Variants in CSMD1 observed in about 807,000 individuals in gnomAD.
The protein encoded by CSMD1 is CUB and Sushi multiple domains 1.
A neutral mutation model predicts 417.5 loss-of-function variants in CSMD1; 213 were observed. The observed-to-expected ratio is 0.51, with a 90% CI of 0.46 to 0.57. The LOEUF is 0.57. CSMD1 is among the 20% of genes least tolerant of loss of function. The pLI is 0.00. For synonymous variants in CSMD1, 2,862 were observed against 1,736.8 expected (o/e 1.65, Z -16.11); for missense variants, 6,923 against 4,529.7 (o/e 1.53, Z -15.17).
At position 4,000,968 on chromosome 8, in the gene CSMD1, A is replaced by G. The variant is rs1026917427; in HGVS notation, c.611-2858T>C. Among the ~76,000 whole-genome samples, 18 of 152,236 alleles carry G rather than the reference A, an allele frequency of 1.2e-4. No individual in the cohort carries two copies. In the East Asian group the frequency reaches 1.9e-3, roughly 16 times the overall value. ...ATTAATGACATATTAATTGAAATCC[A>G]ACTGCTGAAACTACATACATTCTTC... On this transcript the variant is annotated intron_variant, in intron 4 of 69. Coordinates refer to ENST00000635120, the MANE Select transcript of CSMD1 (RefSeq NM_033225.6).
chr8:4,146,177 G>C (rs1035281011), intron 3 of CSMD1, among the ~76,000 whole-genome samples: 1 of 150,864 alleles, frequency 6.6e-6, no homozygotes, highest in African/African-American at 2.5e-5. Context: ...TACTCCGCTG[G>C]CCAAGTCGAT....
chr8:3,536,495 GT>G (rs1304641056), intron 10 of CSMD1, among the ~76,000 whole-genome samples: 1 of 152,140 alleles, frequency 6.6e-6, no homozygotes, highest in South Asian at 2.1e-4. Flanking sequence ...TGGGGATTAT[GT>G]TTTTTCCTCT....
At chr8:4,036,871 A>C (rs986846454) in intron 3 of CSMD1, among the ~76,000 whole-genome samples, 2 of 152,170 alleles carry the variant, frequency 1.3e-5, no homozygotes, top group African/African-American at 2.4e-5. Context: ...AGGTATGTCC[A>C]GTTTCCTCCA....
chr8:3,712,675 T>C (rs1342293570), intron 6 of CSMD1, among the ~76,000 whole-genome samples: 1 of 152,220 alleles, frequency 6.6e-6, no homozygotes, highest in Non-Finnish European at 1.5e-5. Flanking sequence ...TTAGCTTTGT[T>C]AGTCCAGTTA....
At chr8:4,465,774 T>C (rs570481986) in intron 2 of CSMD1, among the ~76,000 whole-genome samples, 30 of 152,318 alleles carry the variant, frequency 2.0e-4, no homozygotes, top group South Asian at 8.3e-4. Flanking sequence ...TTCTCACCTC[T>C]GAGAATGGGG....
chr8:4,003,476 GA>G (rs1281756537), intron 4 of CSMD1, among the ~76,000 whole-genome samples: 4 of 151,676 alleles, frequency 2.6e-5, no homozygotes, highest in Non-Finnish European at 4.4e-5. Context: ...AGATACATGG[GA>G]AAAAAAGATT....
At chr8:3,526,495 C>A (rs117037733) in intron 10 of CSMD1, among the ~76,000 whole-genome samples, 6 of 152,178 alleles carry the variant, frequency 3.9e-5, no homozygotes, top group Non-Finnish European at 8.8e-5. Flanking sequence ...CTCTCTGGAC[C>A]AAGCATCCTA....
At chr8:4,845,654 G>A (rs1410869284) in intron 1 of CSMD1, among the ~76,000 whole-genome samples, 3 of 152,180 alleles carry the variant, frequency 2.0e-5, no homozygotes, top group Non-Finnish European at 2.9e-5. Context: ...AAGAAGCACA[G>A]ACGGGAAAGA....
intron 7 of CSMD1, among the ~76,000 whole-genome samples, chr8:3,620,773 T>G (rs10105617): frequency 3.9e-5 from 6 of 151,936 alleles, no homozygotes; most frequent in Non-Finnish European, 8.8e-5. Flanking sequence ...GAAAGACATA[T>G]GAAAATTGAA....
At chr8:4,219,332 C>G (rs970480160) in intron 3 of CSMD1, among the ~76,000 whole-genome samples, 1 of 152,116 alleles carries the variant, frequency 6.6e-6, no homozygotes, top group Non-Finnish European at 1.5e-5. Context: ...CATTCACTTT[C>G]GTAACTTGAG....
At chr8:3,867,107 T>C (rs557359727) in intron 5 of CSMD1, among the ~76,000 whole-genome samples, 4 of 152,352 alleles carry the variant, frequency 2.6e-5, no homozygotes, top group East Asian at 3.9e-4. Flanking sequence ...TTTTGATTGA[T>C]TGATTTTTTT....
chr8:3,700,148 G>C (rs1800776063), intron 7 of CSMD1, among the ~76,000 whole-genome samples: 1 of 152,078 alleles, frequency 6.6e-6, no homozygotes, highest in Non-Finnish European at 1.5e-5. Context: ...CAACAAATAT[G>C]GTGCAGCGTA....
chr8:3,333,941 T>C (rs1442600727), intron 23 of CSMD1, among the ~76,000 whole-genome samples: 3 of 152,216 alleles, frequency 2.0e-5, no homozygotes, highest in Non-Finnish European at 4.4e-5. Context: ...GTAGAAAATG[T>C]GCATTTGAGG....
intron 5 of CSMD1, among the ~76,000 whole-genome samples, chr8:3,757,845 A>G (rs1004179817): frequency 8.9e-6 from 1 of 112,788 alleles, no homozygotes; most frequent in Non-Finnish European, 1.9e-5. Flanking sequence ...GCGAGACTTC[A>G]TCTCAAAAAA....
chr8:4,834,326 A>T (rs1800329716), intron 1 of CSMD1, among the ~76,000 whole-genome samples: 1 of 152,208 alleles, frequency 6.6e-6, no homozygotes, highest in South Asian at 2.1e-4. Context: ...AAAACAGGTA[A>T]GATTTACTTG....
At chr8:4,857,882 G>C (rs1360183919) in intron 1 of CSMD1, among the ~76,000 whole-genome samples, 9 of 151,468 alleles carry the variant, frequency 5.9e-5, no homozygotes, top group Non-Finnish European at 7.4e-5. Flanking sequence ...CCAATCAATA[G>C]AAAAAGAGGG....
intron 7 of CSMD1, among the ~76,000 whole-genome samples, chr8:3,695,565 G>T (rs556833686): frequency 1.3e-5 from 2 of 152,094 alleles, no homozygotes; most frequent in South Asian, 4.2e-4. Flanking sequence ...CCAAATAAAA[G>T]AATAATATTA....
chr8:4,118,025 C>G (rs1390607464), intron 3 of CSMD1, among the ~76,000 whole-genome samples: 4 of 150,524 alleles, frequency 2.7e-5, no homozygotes, highest in African/African-American at 7.3e-5. Context: ...AAAAGTTTTT[C>G]TCAAGCCTCT....
intron 26 of CSMD1, among the ~76,000 whole-genome samples, chr8:3,248,093 C>T (rs536485478): frequency 2.7e-4 from 41 of 152,036 alleles, no homozygotes; most frequent in Non-Finnish European, 5.3e-4. Flanking sequence ...TTTGGGAGCC[C>T]GAGGCAGGAG....
Sources: gnomAD v4.1 joint callset for allele counts (sites outside exome capture counted in the v4.1 genomes callset) on GRCh38, gnomAD v4.1.1 for gene constraint, MANE v1.5 for transcripts, NCBI Gene and HGNC (gene_info 2026-07-23, HGNC 2026-07-21) for gene names.